Variants in FARP1 observed in about 807,000 individuals in gnomAD.
The protein encoded by FARP1 is FERM, ARHGEF and pleckstrin domain-containing protein 1.
Under a neutral mutation model 128.8 loss-of-function variants are expected in FARP1, and 52 were observed. The observed-to-expected ratio is 0.40, with a 90% CI of 0.32 to 0.51. The LOEUF is 0.51. Ranked by LOEUF, FARP1 falls within the 20% of genes least tolerant of loss-of-function variation. The probability of loss-of-function intolerance (pLI) is 0.45; values close to 1 mark genes in which losing one functional copy is unlikely to be tolerated. For missense variants in FARP1, 1,333 were observed against 1,367.9 expected (o/e 0.97, Z 0.40); for synonymous variants, 580 against 551.8 (o/e 1.05, Z -0.72).
At chr13:98,188,043 C>T (rs1302488310) in intron 1 of FARP1, among the ~76,000 whole-genome samples, 3 of 152,140 alleles carry the variant, frequency 2.0e-5, no homozygotes, top group East Asian at 3.9e-4. Flanking sequence ...CAGAACTCTG[C>T]GGTCCCTTGG....
intron 2 of FARP1, among the ~76,000 whole-genome samples, chr13:98,308,781 GCT>G (rs1886307726): frequency 6.6e-6 from 1 of 152,076 alleles, no homozygotes; most frequent in Non-Finnish European, 1.5e-5. Flanking sequence ...TGATCCTCCC[GCT>G]GCAGCCTCCC....
At chr13:98,297,380 G>A (rs1264162075) in intron 2 of FARP1, among the ~76,000 whole-genome samples, 1 of 152,208 alleles carries the variant, frequency 6.6e-6, no homozygotes, top group Non-Finnish European at 1.5e-5. Flanking sequence ...CTCCAGGTGT[G>A]CAATAGAAAT....
chr13:98,391,765 C>T (rs1264229045), intron 11 of FARP1, among the ~76,000 whole-genome samples: 1 of 152,088 alleles, frequency 6.6e-6, no homozygotes, highest in African/African-American at 2.4e-5. Context: ...AATAACTAGT[C>T]CAGGTCTCAT....
chr13:98,187,188 C>T (rs914130362), intron 1 of FARP1, among the ~76,000 whole-genome samples: 1 of 151,974 alleles, frequency 6.6e-6, no homozygotes, highest in Admixed American at 6.6e-5. Flanking sequence ...GACCTGGAAA[C>T]TAATGTATCT....
chr13:98,319,858 C>CT (rs113080357), intron 2 of FARP1, among the ~76,000 whole-genome samples: 1,663 of 149,622 alleles, frequency 0.011, 48 homozygotes, highest in African/African-American at 0.038. Flanking sequence ...AAACAACAGA[C>CT]TTTTTTTTTT....
At chr13:98,351,589 G>A (rs1425165143) in intron 3 of FARP1, among the ~76,000 whole-genome samples, 3 of 148,206 alleles carry the variant, frequency 2.0e-5, no homozygotes, top group African/African-American at 7.4e-5. Context: ...TCCAGCCTGG[G>A]CAACAAAGCA....
chr13:98,392,056 G>C (rs1431110141), intron 11 of FARP1, among the ~76,000 whole-genome samples: 1 of 151,966 alleles, frequency 6.6e-6, no homozygotes, highest in African/African-American at 2.4e-5. Flanking sequence ...TTTATTTGCA[G>C]CTCTCGTTAC....
At chr13:98,366,257 G>T (rs1368003612) in intron 4 of FARP1, among the ~76,000 whole-genome samples, 1 of 152,210 alleles carries the variant, frequency 6.6e-6, no homozygotes, top group African/African-American at 2.4e-5. Context: ...TACAGCAATT[G>T]ATGTGGATGT....
intron 1 of FARP1, among the ~76,000 whole-genome samples, chr13:98,212,092 G>C (rs1417323268): frequency 6.6e-6 from 1 of 152,194 alleles, no homozygotes; most frequent in East Asian, 1.9e-4. Flanking sequence ...TTTCACGCTT[G>C]TCCCCCAGGC....
At chr13:98,201,900 T>G (rs938365936) in intron 1 of FARP1, among the ~76,000 whole-genome samples, 11 of 152,228 alleles carry the variant, frequency 7.2e-5, no homozygotes, top group African/African-American at 2.7e-4. Flanking sequence ...AATAGCCTGG[T>G]CTCCTTTTTC....
intron 1 of FARP1, among the ~76,000 whole-genome samples, chr13:98,154,706 T>C (rs1410952614): frequency 6.6e-6 from 1 of 152,140 alleles, no homozygotes; most frequent in Non-Finnish European, 1.5e-5. Context: ...AAAAATAAAA[T>C]TACCGAAGCA....
In FARP1 at chr13:98,143,261, G is replaced by T. The variant is rs1270459532; in HGVS notation, c.-255G>T. ...GTCGAGGCGGCCATGGCGACCCGGA[G>T]CCCGCTCCCCACCCACCCCGCCTGC... On this transcript the variant is annotated 5_prime_UTR_variant, in exon 1 of 27. Coordinates refer to ENST00000319562, the MANE Select transcript of FARP1 (RefSeq NM_005766.4). 1 of 149,268 alleles carries T rather than the reference G, an allele frequency of 6.7e-6. No homozygotes were observed. The highest frequency in any genetic ancestry group is 1.5e-5 in the Non-Finnish European group (1 of 66,872). 9.2% of individuals were successfully genotyped at this position (149,268 alleles called of 1,614,324 possible).
intron 1 of FARP1, among the ~76,000 whole-genome samples, chr13:98,189,007 C>T (rs1464676434): frequency 1.3e-5 from 2 of 152,198 alleles, no homozygotes; most frequent in African/African-American, 4.8e-5. Context: ...CCACAGGTGT[C>T]AGACGGGCCT....
chr13:98,415,947 A>G (rs1247325347), intron 16 of FARP1, among the ~76,000 whole-genome samples: 2 of 152,258 alleles, frequency 1.3e-5, no homozygotes, highest in Non-Finnish European at 2.9e-5. Flanking sequence ...TGAAATGTGG[A>G]TGGCATCTCC....
chr13:98,218,272 C>G (rs919678452), intron 2 of FARP1, among the ~76,000 whole-genome samples: 1 of 152,190 alleles, frequency 6.6e-6, no homozygotes, highest in African/African-American at 2.4e-5. Flanking sequence ...TCCAGGCCAG[C>G]CTTCTCTCCT....
chr13:98,267,696 C>T (rs1884192535), intron 2 of FARP1, among the ~76,000 whole-genome samples: 1 of 152,230 alleles, frequency 6.6e-6, no homozygotes, highest in African/African-American at 2.4e-5. Flanking sequence ...CAGTGTATGT[C>T]CCCTCACCCT....
chr13:98,165,756 C>G (rs1480777496), intron 1 of FARP1, among the ~76,000 whole-genome samples: 1 of 103,388 alleles, frequency 9.7e-6, no homozygotes, highest in Non-Finnish European at 1.7e-5. Context: ...CTCACTCTGT[C>G]ATGCAGGCTG....
chr13:98,157,796 A>G (rs887189223), intron 1 of FARP1, among the ~76,000 whole-genome samples: 3 of 152,216 alleles, frequency 2.0e-5, no homozygotes, highest in Non-Finnish European at 4.4e-5. Flanking sequence ...TGCATTCCTA[A>G]TGCCTGGCAG....
intron 1 of FARP1, chr13:98,177,325 T>C: frequency 9.3e-7 from 1 of 1,079,870 alleles, no homozygotes; most frequent in East Asian, 2.6e-5. Flanking sequence ...GCCCTCCCAG[T>C]TCTAAAAAGC....
Sources: gnomAD v4.1 joint callset for allele counts (sites outside exome capture counted in the v4.1 genomes callset) on GRCh38, gnomAD v4.1.1 for gene constraint, MANE v1.5 for transcripts, NCBI Gene and HGNC (gene_info 2026-07-23, HGNC 2026-07-21) for gene names.